The following RBFOX1 variants were observed in gnomAD, a reference collection of about 807,000 sequenced individuals.
The protein encoded by RBFOX1 is RNA binding protein fox-1 homolog 1.
Under a neutral mutation model 57.7 loss-of-function variants are expected in RBFOX1, and 8 were observed. The ratio of observed to expected loss-of-function variants is 0.14; its 90% confidence interval spans 0.08 to 0.25. The LOEUF is 0.25. Among genes scored for constraint, RBFOX1 ranks in the 10% least tolerant of loss-of-function variants. The pLI is 1.00. For synonymous variants in RBFOX1, 326 were observed against 222.4 expected, an observed-to-expected ratio of 1.47 and a Z score of -4.15; for missense variants, 611 against 548.5, an observed-to-expected ratio of 1.11 and a Z score of -1.14.
intron 3 of RBFOX1, among the ~76,000 whole-genome samples, chr16:5,729,734 A>G (rs2052292822): frequency 6.6e-6 from 1 of 152,132 alleles, no homozygotes; most frequent in South Asian, 2.1e-4. Flanking sequence ...CTCTTATCGC[A>G]ACTGGGGTTC....
At position 5,360,240 on chromosome 16, in the gene RBFOX1, A is replaced by G. The variant is rs573039579; in HGVS notation, c.220-106976A>G. Among the ~76,000 whole-genome samples, 8 of 152,292 alleles carry G rather than the reference A, an allele frequency of 5.3e-5. No individual in the cohort carries two copies. The South Asian group carries it at 1.7e-3, about 32-fold the overall frequency. On this transcript the variant is annotated intron_variant, in intron 1 of 2. Transcript: ENST00000585867. ...CTGGCTAGCTCTGTGTGCTGCTGAC[A>G]TGTTGTGGGAAGGCTGGAGGGCGAG...
At chr16:6,112,646 G>A (rs1031195491) in intron 1 of RBFOX1, among the ~76,000 whole-genome samples, 3 of 152,058 alleles carry the variant, frequency 2.0e-5, no homozygotes, top group East Asian at 1.9e-4. Context: ...AGCTGAGATC[G>A]TGCCATTGCA....
At chr16:6,368,037 TACGTGTCTTGGTC>T (rs2089914882) in intron 2 of RBFOX1, among the ~76,000 whole-genome samples, 1 of 152,192 alleles carries the variant, frequency 6.6e-6, no homozygotes, top group Non-Finnish European at 1.5e-5. Flanking sequence ...CTATTTTCTT[TACGTGTCTTGGTC>T]ACCCCCTCAC....
At chr16:7,477,041 G>A (rs999866093) in intron 4 of RBFOX1, among the ~76,000 whole-genome samples, 10 of 152,096 alleles carry the variant, frequency 6.6e-5, no homozygotes, top group South Asian at 2.1e-4. Context: ...GGCTGGAACC[G>A]TGGGTAACAT....
intron 4 of RBFOX1, among the ~76,000 whole-genome samples, chr16:7,469,677 A>G (rs545144519): frequency 1.3e-5 from 2 of 152,348 alleles, no homozygotes; most frequent in South Asian, 2.1e-4. Context: ...GTCACAATGA[A>G]TAAACCACAT....
At chr16:7,575,124 T>A (rs1416329648) in intron 5 of RBFOX1, among the ~76,000 whole-genome samples, 1 of 152,028 alleles carries the variant, frequency 6.6e-6, no homozygotes, top group Non-Finnish European at 1.5e-5. Flanking sequence ...GGATTTAGGA[T>A]GGGCTCAACA....
chr16:7,093,155 G>A (rs1490965248), intron 4 of RBFOX1, among the ~76,000 whole-genome samples: 1 of 152,152 alleles, frequency 6.6e-6, no homozygotes, highest in African/African-American at 2.4e-5. Flanking sequence ...TCAGAAATTC[G>A]TTTCTGTTGA....
intron 4 of RBFOX1, among the ~76,000 whole-genome samples, chr16:7,280,433 C>T (rs200043823): frequency 6.6e-6 from 1 of 152,178 alleles, no homozygotes; most frequent in African/African-American, 2.4e-5. Flanking sequence ...CCAGGATCAC[C>T]TCACCTTTGT....
chr16:6,756,985 G>GACAAACAA (rs142038941), intron 3 of RBFOX1, among the ~76,000 whole-genome samples: 2 of 140,720 alleles, frequency 1.4e-5, no homozygotes, highest in African/African-American at 5.8e-5. Context: ...CAAACAAACA[G>GACAAACAA]ACAAACAAAC....
At chr16:5,772,989 G>A (rs2054030182) in intron 3 of RBFOX1, among the ~76,000 whole-genome samples, 2 of 152,114 alleles carry the variant, frequency 1.3e-5, no homozygotes, top group East Asian at 1.9e-4. Flanking sequence ...GTGTGTTCCA[G>A]GAAGCCTTCT....
At chr16:6,829,013 C>T (rs2092469485) in intron 3 of RBFOX1, among the ~76,000 whole-genome samples, 1 of 152,102 alleles carries the variant, frequency 6.6e-6, no homozygotes, top group African/African-American at 2.4e-5. Context: ...TTGCCTGACT[C>T]ATCCTTGAAT....
intron 1 of RBFOX1, among the ~76,000 whole-genome samples, chr16:6,211,673 T>C (rs1261476027): frequency 2.0e-5 from 3 of 152,194 alleles, no homozygotes; most frequent in Admixed American, 1.3e-4. Flanking sequence ...TCTCTAGGTA[T>C]GGCCTTTCCT....
intron 1 of RBFOX1, among the ~76,000 whole-genome samples, chr16:5,268,763 A>C (rs191093869): frequency 6.6e-6 from 1 of 152,346 alleles, no homozygotes; most frequent in Admixed American, 6.5e-5. Flanking sequence ...TATACCTGGG[A>C]GTACAATTGC....
intron 3 of RBFOX1, among the ~76,000 whole-genome samples, chr16:7,019,372 T>C (rs976879383): frequency 2.6e-5 from 4 of 152,108 alleles, no homozygotes; most frequent in Admixed American, 1.3e-4. Context: ...CTGAGATTCA[T>C]GGACTTCATG....
At chr16:5,273,224 A>ATTTT (rs748241159) in intron 1 of RBFOX1, among the ~76,000 whole-genome samples, 1 of 137,716 alleles carries the variant, frequency 7.3e-6, no homozygotes, top group Non-Finnish European at 1.6e-5. Flanking sequence ...ATTGCTTTCA[A>ATTTT]TTTTTTTTTT....
chr16:6,292,027 G>A (rs2077521327), intron 1 of RBFOX1, among the ~76,000 whole-genome samples: 1 of 151,926 alleles, frequency 6.6e-6, no homozygotes, highest in Admixed American at 6.6e-5. Flanking sequence ...AAAAAAAATG[G>A]CTTTATGTCC....
At position 7,470,915 on chromosome 16, in the gene RBFOX1, T is replaced by A. The variant is rs13335821; in HGVS notation, c.28-47232T>A. Among the ~76,000 whole-genome samples the A allele has an allele frequency of 9.9e-3, 1,514 of 152,236 alleles. 34 individuals are homozygous for A. Among genetic ancestry groups the A allele is most frequent in the African/African-American group, 0.035 (1,456 of 41,542 alleles). On this transcript the variant is annotated intron_variant, in intron 4 of 15. Transcript: ENST00000550418. ...GGGAGTATAATTTGCTTTACTTTTT[T>A]TTTTTAACCTAAAAATATTTTTATT...
chr16:5,660,044 G>A (rs2151386707), intron 3 of RBFOX1, among the ~76,000 whole-genome samples: 2 of 152,196 alleles, frequency 1.3e-5, no homozygotes, highest in Middle Eastern at 3.4e-3. Context: ...CCTGAGAGGG[G>A]ACCCATAGGC....
intron 4 of RBFOX1, among the ~76,000 whole-genome samples, chr16:7,475,536 G>C (rs1374266532): frequency 1.3e-5 from 2 of 151,990 alleles, no homozygotes. Context: ...TGATAGTCTT[G>C]ATCTCCTGAC....
Sources: gnomAD v4.1 joint callset for allele counts (sites outside exome capture counted in the v4.1 genomes callset) on GRCh38, gnomAD v4.1.1 for gene constraint, MANE v1.5 for transcripts, NCBI Gene and HGNC (gene_info 2026-07-23, HGNC 2026-07-21) for gene names.